The following IL1RAPL2 variants were observed in gnomAD, a reference collection of about 807,000 sequenced individuals.
IL1RAPL2 encodes interleukin 1 receptor accessory protein like 2.
A neutral mutation model predicts 44.1 loss-of-function variants in IL1RAPL2; 3 were observed. The observed-to-expected ratio is 0.07, with a 90% CI of 0.03 to 0.18. IL1RAPL2 has a LOEUF of 0.18. Among genes scored for constraint, IL1RAPL2 ranks in the 10% least tolerant of loss-of-function variants. The pLI, the probability that IL1RAPL2 is intolerant of heterozygous loss-of-function variation, is 1.00. For missense variants in IL1RAPL2, 391 were observed against 496.4 expected, an observed-to-expected ratio of 0.79 and a Z score of 2.02; for synonymous variants, 181 against 178.8, an observed-to-expected ratio of 1.01 and a Z score of -0.10.
chrX:104,705,849 C>T (rs1602689362), intron 2 of IL1RAPL2, among the ~76,000 whole-genome samples: 1 of 111,265 alleles, frequency 9.0e-6, no homozygotes, highest in African/African-American at 3.3e-5. Flanking sequence ...CTTGGAGTCA[C>T]TAGGATTAAT....
intron 1 of IL1RAPL2, among the ~76,000 whole-genome samples, chrX:104,567,699 A>C (rs1928065923): frequency 8.9e-6 from 1 of 112,159 alleles, no homozygotes; most frequent in Admixed American, 9.4e-5. Flanking sequence ...CTCAGGCGTG[A>C]GGATCTGCCC....
chrX:105,104,797 T>C (rs2032717490), intron 2 of IL1RAPL2, among the ~76,000 whole-genome samples: 1 of 112,072 alleles, frequency 8.9e-6, no homozygotes, highest in Non-Finnish European at 1.9e-5. Context: ...AAAAATACAG[T>C]AATAAAAAGC....
intron 2 of IL1RAPL2, among the ~76,000 whole-genome samples, chrX:104,735,758 T>A (rs1449899964): frequency 9.0e-6 from 1 of 111,299 alleles, no homozygotes; most frequent in Admixed American, 9.6e-5. Context: ...TGTAGCATTT[T>A]TCTCAGACAC....
intron 5 of IL1RAPL2, among the ~76,000 whole-genome samples, chrX:105,300,607 A>T (rs1288652699): frequency 9.0e-6 from 1 of 111,314 alleles, no homozygotes; most frequent in South Asian, 3.9e-4. Flanking sequence ...TCCCATTCCC[A>T]TAAGAAGCCA....
intron 5 of IL1RAPL2, among the ~76,000 whole-genome samples, chrX:105,440,573 A>G (rs930547867): frequency 5.3e-5 from 6 of 112,268 alleles, no homozygotes; most frequent in Non-Finnish European, 1.1e-4. Flanking sequence ...TGCCACTAAC[A>G]GTAACTTAAG....
intron 5 of IL1RAPL2, among the ~76,000 whole-genome samples, chrX:105,481,809 A>G (rs1346187855): frequency 8.9e-6 from 1 of 112,044 alleles, no homozygotes. Flanking sequence ...TTTTGAATAC[A>G]TAGCATATGG....
At chrX:105,718,775 A>G (rs1602537654) in intron 7 of IL1RAPL2, among the ~76,000 whole-genome samples, 1 of 110,967 alleles carries the variant, frequency 9.0e-6, no homozygotes, top group East Asian at 2.9e-4. Flanking sequence ...CTGCCAAGAA[A>G]AAATACATAT....
intron 2 of IL1RAPL2, among the ~76,000 whole-genome samples, chrX:105,037,454 G>A (rs1353810305): frequency 1.8e-5 from 2 of 111,256 alleles, no homozygotes; most frequent in Non-Finnish European, 3.8e-5. Flanking sequence ...AAGAGAATGA[G>A]GGAGCTCAGG....
chrX:105,025,870 C>T (rs2031362207), intron 2 of IL1RAPL2, among the ~76,000 whole-genome samples: 1 of 111,315 alleles, frequency 9.0e-6, no homozygotes, highest in South Asian at 3.8e-4. Context: ...AGAATAAAGA[C>T]ATCTGGTTTG....
At chrX:104,608,982 G>A (rs1406762065) in intron 1 of IL1RAPL2, among the ~76,000 whole-genome samples, 1 of 111,597 alleles carries the variant, frequency 9.0e-6, no homozygotes, top group Admixed American at 9.6e-5. Context: ...TTTTGCAGTG[G>A]CTGGTACCGG....
chrX:105,133,042 G>A (rs2033042949), intron 2 of IL1RAPL2, among the ~76,000 whole-genome samples: 1 of 112,127 alleles, frequency 8.9e-6, no homozygotes, highest in African/African-American at 3.2e-5. Context: ...CAACAGTTGA[G>A]ATTCGGAATC....
In IL1RAPL2 at chrX:105,275,369, C is replaced by T. The variant is rs373786009; in HGVS notation, c.697+7828C>T. 4.5e-5 allele frequency among the ~76,000 whole-genome samples: 5 copies of T among 112,032 alleles called. No homozygotes were observed. The East Asian group carries it at 1.4e-3, about 32-fold the overall frequency. On this transcript the variant is annotated intron_variant, in intron 5 of 10. Transcript: ENST00000372582. ...AGTGAATAATTGAGTGAGTATCTGGCTCTATTGGCCTCCTGCTAATGCCTA... is the reference window on the plus strand; with the variant it reads ...AGTGAATAATTGAGTGAGTATCTGGTTCTATTGGCCTCCTGCTAATGCCTA...
intron 7 of IL1RAPL2, among the ~76,000 whole-genome samples, chrX:105,731,792 T>TGTGA (rs1318359829): frequency 9.0e-6 from 1 of 111,024 alleles, no homozygotes; most frequent in Admixed American, 9.6e-5. Flanking sequence ...CTGGGAAGGA[T>TGTGA]GTGAGTGTGG....
intron 2 of IL1RAPL2, among the ~76,000 whole-genome samples, chrX:104,949,799 T>A (rs1395644947): frequency 9.0e-6 from 1 of 111,621 alleles, no homozygotes; most frequent in Non-Finnish European, 1.9e-5. Flanking sequence ...TGTTATAATT[T>A]CTGTTCTTTT....
At chrX:105,058,880 T>C in intron 2 of IL1RAPL2, among the ~76,000 whole-genome samples, 1 of 111,517 alleles carries the variant, frequency 9.0e-6, no homozygotes, top group South Asian at 3.8e-4. Context: ...ATAAGGGTAA[T>C]CACAAAGGCA....
rs2035979717 is a variant in IL1RAPL2, at chrX:105,447,743, G to T, written c.698-36570G>T. Among the ~76,000 whole-genome samples, 13 of 79,799 alleles carry T rather than the reference G, an allele frequency of 1.6e-4. No individual in the cohort carries two copies. In the South Asian group the frequency reaches 8.1e-3, roughly 50 times the overall value. 69.3% of individuals were successfully genotyped at this position (79,799 alleles called of 115,157 possible). On this transcript the variant is annotated intron_variant, in intron 5 of 10. Coordinates refer to ENST00000372582, the MANE Select transcript of IL1RAPL2 (RefSeq NM_017416.2). ...TAAATATATAAATGTATATAAATAT[G>T]TTATACATATAAATATGTAAATATA...
chrX:105,195,677 CAA>C lies in IL1RAPL2; in HGVS notation c.287_288del (p.Lys96ArgfsTer11). On this transcript the variant is annotated frameshift_variant, in exon 3 of 11. Transcript: ENST00000372582. LOFTEE classifies it high-confidence loss of function. ...PIIFSEVRMSKEEDSIWFHSA... is the reference protein window; with the variant it reads ...PIIFSEVRMSXEEDSIWFHSA... ...TCATCTTTTCAGAGGTCAGGATGAG[CAA>C]AGAGGAAGATTCAATATGGTTTCAC... is the stretch of plus-strand genomic sequence containing the variant. 1 of 1,210,638 alleles carries C rather than the reference CAA, an allele frequency of 8.3e-7. No homozygotes were observed. Among genetic ancestry groups the C allele is most frequent in the Non-Finnish European group, 1.1e-6 (1 of 894,553 alleles).
rs576696359 is a variant in IL1RAPL2 at position 105,245,508 on chromosome X, T to C, written c.543+11504T>C. On this transcript the variant is annotated intron_variant, in intron 4 of 10. Coordinates refer to ENST00000372582, the MANE Select transcript of IL1RAPL2 (RefSeq NM_017416.2). ...TATCTGAACTGCATCAGTTATCAAA[T>C]TGAGATAAGGAGAGGGGCTACACTT... 5.7e-4 allele frequency among the ~76,000 whole-genome samples: 64 copies of C among 112,324 alleles called. No individual in the cohort carries two copies. The Middle Eastern group carries it at 0.019, about 33-fold the overall frequency.
At chrX:104,569,866 T>C (rs1406343799) in intron 1 of IL1RAPL2, among the ~76,000 whole-genome samples, 2 of 112,339 alleles carry the variant, frequency 1.8e-5, no homozygotes, top group Non-Finnish European at 3.8e-5. Flanking sequence ...CGATGTGATG[T>C]GAGGCCCTGA....
Sources: gnomAD v4.1 joint callset for allele counts (sites outside exome capture counted in the v4.1 genomes callset) on GRCh38, gnomAD v4.1.1 for gene constraint, MANE v1.5 for transcripts, NCBI Gene and HGNC (gene_info 2026-07-23, HGNC 2026-07-21) for gene names.